ANKFN1: variants seen among roughly 807,000 people sequenced by gnomAD.
The protein encoded by ANKFN1 is ankyrin repeat and fibronectin type-III domain-containing protein 1.
ANKFN1 carries 74 observed loss-of-function variants against 108.7 expected under a neutral mutation model. The observed-to-expected ratio is 0.68, with a 90% CI of 0.56 to 0.83. The LOEUF (loss-of-function observed/expected upper bound fraction) is 0.83. Among genes scored for constraint, ANKFN1 ranks in the 40% least tolerant of loss-of-function variants. The pLI is 0.00. For synonymous variants in ANKFN1, 547 were observed against 516.2 expected, an observed-to-expected ratio of 1.06 and a Z score of -0.81; for missense variants, 1,505 against 1,382.3, an observed-to-expected ratio of 1.09 and a Z score of -1.41.
At chr17:56,453,385 G>T (rs948227195) in intron 11 of ANKFN1, among the ~76,000 whole-genome samples, 3 of 151,990 alleles carry the variant, frequency 2.0e-5, no homozygotes, top group African/African-American at 7.2e-5. Flanking sequence ...CATTTATTGT[G>T]CATTTGCTTG....
intron 2 of ANKFN1, among the ~76,000 whole-genome samples, chr17:56,214,663 C>T (rs1915291997): frequency 6.6e-6 from 1 of 152,172 alleles, no homozygotes; most frequent in Non-Finnish European, 1.5e-5. Context: ...TCCACTCCTT[C>T]AACTCTGCAA....
intron 1 of ANKFN1, among the ~76,000 whole-genome samples, chr17:56,167,314 C>T (rs1203822965): frequency 2.9e-5 from 2 of 69,894 alleles, no homozygotes; most frequent in Admixed American, 1.6e-4. Flanking sequence ...TACACACACA[C>T]ACACATATAT....
Position 56,053,702 on chromosome 17 carries a change from T to C in ANKFN1, c.288+7377T>C, listed in dbSNP as rs1904816955. ...ATTGTTGGATTTTATGGTAGCTGTA[T>C]TTTTAGTTTTTTTTGAGGAAACTCC... On this transcript the variant is annotated intron_variant, in intron 4 of 12. Transcript: ENST00000635860. Among the ~76,000 whole-genome samples the C allele has an allele frequency of 2.0e-5, 3 of 152,146 alleles. No homozygotes were observed. In the South Asian group the frequency reaches 6.2e-4, roughly 32 times the overall value.
Position 56,343,537 on chromosome 17 carries a change from G to A in ANKFN1, c.189-7229G>A, listed in dbSNP as rs577613035. On this transcript the variant is annotated intron_variant, in intron 4 of 20. Coordinates refer to ENST00000682825, the MANE Select transcript of ANKFN1 (RefSeq NM_001370326.1). ...TCTTTAACTTTCTCTCTATGTCTTT[G>A]GCTTCTAATGGTTTGATTTTGATGT... Among the ~76,000 whole-genome samples the A allele has an allele frequency of 1.3e-4, 19 of 151,738 alleles. No homozygotes were observed. In the South Asian group the frequency reaches 3.7e-3, roughly 30 times the overall value.
At position 56,449,139 on chromosome 17, in the gene ANKFN1, G is replaced by A; in HGVS notation, c.1160G>A (p.Gly387Asp). 6.2e-7 allele frequency: 1 copy of A among 1,613,608 alleles called. No homozygotes were observed. The highest frequency in any genetic ancestry group is 8.5e-7 in the Non-Finnish European group (1 of 1,179,690). ...RHKGQSEVLEGLLQQVRALHQ... is the reference protein window; with the variant it reads ...RHKGQSEVLEDLLQQVRALHQ... ...AAGGGACAGAGTGAAGTTTTGGAAG[G>A]TCTGCTGCAGCAGGTCCGAGCCCTT... The change falls in exon 11 of 21, where the codon GGT (glycine) becomes GAT (aspartate). Residue 387 changes from glycine (G) to aspartate (D), a missense_variant. Physicochemically the swap from Gly to Asp is moderately conservative, Grantham distance 94. Coordinates refer to ENST00000682825, the MANE Select transcript of ANKFN1 (RefSeq NM_001370326.1).
At chr17:56,085,948 A>G (rs1419834899) in intron 4 of ANKFN1, among the ~76,000 whole-genome samples, 1 of 151,448 alleles carries the variant, frequency 6.6e-6, no homozygotes, top group Non-Finnish European at 1.5e-5. Flanking sequence ...TTGTTAGAAG[A>G]TGCAAAAGAA....
intron 6 of ANKFN1, among the ~76,000 whole-genome samples, chr17:56,358,595 C>T (rs1478804203): frequency 6.6e-6 from 1 of 152,118 alleles, no homozygotes; most frequent in Non-Finnish European, 1.5e-5. Flanking sequence ...TTTTTGCAAA[C>T]AGCACAAAAT....
chr17:56,140,466 T>C (rs1013992493), intron 4 of ANKFN1, among the ~76,000 whole-genome samples: 7 of 152,222 alleles, frequency 4.6e-5, no homozygotes, highest in African/African-American at 1.7e-4. Context: ...ACTAGTGGCC[T>C]GCCATCCTGC....
chr17:56,481,992 C>A (rs1350607618), intron 17 of ANKFN1, among the ~76,000 whole-genome samples: 1 of 151,880 alleles, frequency 6.6e-6, no homozygotes, highest in African/African-American at 2.4e-5. Context: ...CAGTCCTTGG[C>A]CAGAAACTAC....
Position 56,154,823 on chromosome 17 carries a change from A to G in ANKFN1, c.-71+1293A>G, listed in dbSNP as rs544265366. ...TTGAATTGAATGAACAGTGTGGGGT[A>G]TGATTACCATTTGTTCCATGAAGTG... On this transcript the variant is annotated intron_variant, in intron 1 of 20. Coordinates refer to ENST00000682825, the MANE Select transcript of ANKFN1 (RefSeq NM_001370326.1). Among the ~76,000 whole-genome samples the G allele has an allele frequency of 1.3e-3, 197 of 152,286 alleles. 1 individual carries two copies. Among genetic ancestry groups the G allele is most frequent in the African/African-American group, 4.5e-3 (189 of 41,570 alleles).
At chr17:56,162,311 C>G (rs529955864) in intron 1 of ANKFN1, among the ~76,000 whole-genome samples, 1 of 152,162 alleles carries the variant, frequency 6.6e-6, no homozygotes, top group South Asian at 2.1e-4. Flanking sequence ...CTTCAGCAAC[C>G]GAAATTTATT....
intron 8 of ANKFN1, among the ~76,000 whole-genome samples, chr17:56,415,869 T>G (rs1263432847): frequency 1.3e-5 from 2 of 152,066 alleles, no homozygotes; most frequent in Admixed American, 1.3e-4. Flanking sequence ...AACAGACACA[T>G]AGACCAATGG....
Position 56,229,897 on chromosome 17 carries a change from G to A in ANKFN1, c.53+1940G>A, listed in dbSNP as rs373717929. On this transcript the variant is annotated intron_variant, in intron 3 of 20. Coordinates refer to ENST00000682825, the MANE Select transcript of ANKFN1 (RefSeq NM_001370326.1). ...CTCCCCAAGCAATCTCTGAGCAACC[G>A]GGGAAAGGTTGGTCTGACCCATGGA... 7.9e-5 allele frequency among the ~76,000 whole-genome samples: 12 copies of A among 152,026 alleles called. No individual in the cohort carries two copies. In the East Asian group the frequency reaches 9.7e-4, roughly 12 times the overall value.
At chr17:56,194,162 C>A (rs1913274634) in intron 1 of ANKFN1, among the ~76,000 whole-genome samples, 1 of 152,166 alleles carries the variant, frequency 6.6e-6, no homozygotes. Context: ...GAACTCTATT[C>A]ATTGCTGACA....
intron 3 of ANKFN1, among the ~76,000 whole-genome samples, chr17:56,315,009 G>A (rs1432944641): frequency 6.6e-6 from 1 of 152,162 alleles, no homozygotes; most frequent in Non-Finnish European, 1.5e-5. Flanking sequence ...ATGCTGCCGA[G>A]CTCGAAATAA....
At position 56,211,063 on chromosome 17, in the gene ANKFN1, T is replaced by A. The variant is rs140618840; in HGVS notation, c.-70-1535T>A. Among the ~76,000 whole-genome samples the A allele has an allele frequency of 5.1e-4, 77 of 152,374 alleles. 1 individual carries two copies. In the East Asian group the frequency reaches 0.014, roughly 28 times the overall value. The stretch of plus-strand genomic sequence containing the variant: ...CCCACTCTGTGGGTTTTCTGTTTAC[T>A]CTGCTGATTATTTCTTTTGCTGTGC... On this transcript the variant is annotated intron_variant, in intron 1 of 20. Coordinates refer to ENST00000682825, the MANE Select transcript of ANKFN1 (RefSeq NM_001370326.1).
intron 1 of ANKFN1, among the ~76,000 whole-genome samples, chr17:56,167,318 C>CACATATATAT (rs1461054331): frequency 5.3e-5 from 7 of 133,248 alleles, no homozygotes; most frequent in Admixed American, 3.8e-4. Flanking sequence ...CACACACACA[C>CACATATATAT]ATATATATAT....
Position 56,511,572 on chromosome 17 carries a change from A to G in ANKFN1, c.*303A>G, listed in dbSNP as rs2051774685. 3.3e-6 allele frequency: 1 copy of G among 307,612 alleles called. No individual in the cohort carries two copies. The allele number at this position is 307,612 out of a possible 1,614,324, so 19.1% of individuals were successfully genotyped here. On this transcript the variant is annotated 3_prime_UTR_variant, in exon 21 of 21. Coordinates refer to ENST00000682825, the MANE Select transcript of ANKFN1 (RefSeq NM_001370326.1). Reference sequence around the variant, plus strand: ...GTGGCACCTATGACTGAAGCTGGCCATCCCAAAGAGAGACCCTCTGTTCTG... The same window carrying G: ...GTGGCACCTATGACTGAAGCTGGCCGTCCCAAAGAGAGACCCTCTGTTCTG...
intron 15 of ANKFN1, chr17:56,472,295 G>T (rs749630028): frequency 6.6e-6 from 1 of 151,902 alleles, no homozygotes; most frequent in Non-Finnish European, 1.5e-5. Context: ...TATAATCTTG[G>T]ACCTACAAAG....
Sources: gnomAD v4.1 joint callset for allele counts (sites outside exome capture counted in the v4.1 genomes callset) on GRCh38, gnomAD v4.1.1 for gene constraint, MANE v1.5 for transcripts, NCBI Gene and HGNC (gene_info 2026-07-23, HGNC 2026-07-21) for gene names.